Variants in EPHA3 observed in about 807,000 individuals in gnomAD.
EPHA3 encodes EPH receptor A3, also known as ephrin type-A receptor 3.
EPHA3 carries 42 observed loss-of-function variants against 107.1 expected under a neutral mutation model. The ratio of observed to expected loss-of-function variants is 0.39; its 90% CI spans 0.31 to 0.51. The LOEUF (loss-of-function observed/expected upper bound fraction) is 0.51, where lower values mean the gene tolerates loss of function less well. Among genes scored for constraint, EPHA3 ranks in the 20% least tolerant of loss-of-function variants. The probability of loss-of-function intolerance (pLI) is 0.78; values close to 1 mark genes in which losing one functional copy is unlikely to be tolerated. For missense variants in EPHA3, 1,183 were observed against 1,211.2 expected (o/e 0.98, Z 0.35); for synonymous variants, 461 against 424.8 (o/e 1.09, Z -1.05).
At chr3:89,441,433 G>A (rs1029687652) in intron 13 of EPHA3, among the ~76,000 whole-genome samples, 1 of 152,146 alleles carries the variant, frequency 6.6e-6, no homozygotes, top group Non-Finnish European at 1.5e-5. Flanking sequence ...TATCTTGGGA[G>A]CTTACATTAG....
At chr3:89,270,748 G>C (rs1469644829) in intron 3 of EPHA3, among the ~76,000 whole-genome samples, 1 of 151,478 alleles carries the variant, frequency 6.6e-6, no homozygotes, top group Non-Finnish European at 1.5e-5. Context: ...ATTTATTTCT[G>C]ATAAAAATTG....
intron 6 of EPHA3, among the ~76,000 whole-genome samples, chr3:89,397,784 C>A (rs191048634): frequency 6.6e-6 from 1 of 152,098 alleles, no homozygotes; most frequent in Non-Finnish European, 1.5e-5. Context: ...GGTTTCTCCA[C>A]GTTGGTCAGG....
intron 3 of EPHA3, among the ~76,000 whole-genome samples, chr3:89,264,759 A>C (rs1576275510): frequency 6.6e-6 from 1 of 152,292 alleles, no homozygotes; most frequent in East Asian, 1.9e-4. Context: ...TGAATCAATA[A>C]ATAAGATGGA....
At chr3:89,382,356 A>C (rs1708527291) in intron 5 of EPHA3, among the ~76,000 whole-genome samples, 1 of 151,918 alleles carries the variant, frequency 6.6e-6, no homozygotes, top group Non-Finnish European at 1.5e-5. Context: ...AGAAATACAA[A>C]AATTAGCCAG....
At chr3:89,292,464 C>T (rs1406686838) in intron 3 of EPHA3, among the ~76,000 whole-genome samples, 3 of 152,052 alleles carry the variant, frequency 2.0e-5, no homozygotes, top group Non-Finnish European at 4.4e-5. Flanking sequence ...GAACGAGTTC[C>T]CTGTGGAACC....
At chr3:89,416,531 G>A (rs1478965303) in intron 10 of EPHA3, among the ~76,000 whole-genome samples, 1 of 151,180 alleles carries the variant, frequency 6.6e-6, no homozygotes, top group Non-Finnish European at 1.5e-5. Context: ...AGCTATTTAA[G>A]TATACAATTC....
chr3:89,113,884 C>T (rs1477101979), intron 1 of EPHA3, among the ~76,000 whole-genome samples: 1 of 152,098 alleles, frequency 6.6e-6, no homozygotes, highest in Non-Finnish European at 1.5e-5. Context: ...TGGACGAATG[C>T]ATGTGGAGGG....
rs1395973121 is a variant in EPHA3 at position 89,450,287 on chromosome 3, C to A, written c.2607C>A (p.Pro869=). 1 of 1,614,030 alleles carries A rather than the reference C, an allele frequency of 6.2e-7. No individual in the cohort carries two copies. The highest frequency in any genetic ancestry group is 1.3e-5 in the African/African-American group (1 of 75,048). The change falls in exon 15 of 17, where the codon CCC becomes CCA. Residue 869 remains proline (P), a synonymous_variant. Coordinates refer to ENST00000336596, the MANE Select transcript of EPHA3 (RefSeq NM_005233.6). ...DCWQKDRNNR[P]KFEQIVSILD... ...GGCAGAAAGACAGGAACAACAGACC[C>A]AAGTTTGAGCAGATTGTTAGTATTC...
chr3:89,306,538 T>C (rs2107353699), intron 3 of EPHA3, among the ~76,000 whole-genome samples: 1 of 152,284 alleles, frequency 6.6e-6, no homozygotes, highest in Middle Eastern at 3.4e-3. Context: ...AAATAAAATT[T>C]TGAATAACAA....
intron 2 of EPHA3, among the ~76,000 whole-genome samples, chr3:89,166,386 T>A (rs1705066145): frequency 6.6e-6 from 1 of 152,216 alleles, no homozygotes; most frequent in African/African-American, 2.4e-5. Flanking sequence ...CATTTTTGCT[T>A]GAAATAACTA....
intron 3 of EPHA3, among the ~76,000 whole-genome samples, chr3:89,286,143 TGTG>T (rs1706077548): frequency 1.3e-5 from 2 of 151,236 alleles, no homozygotes; most frequent in African/African-American, 4.9e-5. Flanking sequence ...TGTGTGTGTG[TGTG>T]TGTGTGTGTG....
rs766046211 is a variant in EPHA3 at position 89,342,079 on chromosome 3, C to T, written c.1295C>T (p.Thr432Ile). Residue 432 changes from threonine to isoleucine, a missense_variant, in exon 5 of 17, where the codon ACT becomes ATT. Physicochemically the swap from Thr to Ile is moderately conservative, Grantham distance 89. Transcript: ENST00000336596. Reference sequence around the variant, plus strand: ...CAGTTTGCTGCGGTCAGCATCACAACTAATCAGGCTGGTGAGTACATACTA... The same window carrying T: ...CAGTTTGCTGCGGTCAGCATCACAATTAATCAGGCTGGTGAGTACATACTA... ...PRQFAAVSIT[T>I]NQAAPSPVLT... is the part of the protein sequence containing the mutation. 3 of 1,609,426 alleles carry T rather than the reference C, an allele frequency of 1.9e-6. No homozygotes were observed. Among genetic ancestry groups the T allele is most frequent in the Admixed American group, 1.7e-5 (1 of 59,310 alleles).
At chr3:89,443,103 A>G (rs1245865360) in intron 13 of EPHA3, among the ~76,000 whole-genome samples, 2 of 152,156 alleles carry the variant, frequency 1.3e-5, no homozygotes, top group Non-Finnish European at 2.9e-5. Flanking sequence ...ATGTTTTAAC[A>G]TTTTACTTAG....
At chr3:89,162,250 C>G (rs1704964612) in intron 2 of EPHA3, among the ~76,000 whole-genome samples, 1 of 152,052 alleles carries the variant, frequency 6.6e-6, no homozygotes, top group African/African-American at 2.4e-5. Flanking sequence ...TCCTGGAAAT[C>G]ATGCATTTTA....
At chr3:89,250,397 A>G (rs974392893) in intron 3 of EPHA3, among the ~76,000 whole-genome samples, 2 of 152,204 alleles carry the variant, frequency 1.3e-5, no homozygotes, top group African/African-American at 4.8e-5. Context: ...ATCATGTAAC[A>G]TCAAGGTATT....
intron 5 of EPHA3, among the ~76,000 whole-genome samples, chr3:89,356,859 C>A (rs1248335849): frequency 6.6e-6 from 1 of 150,388 alleles, no homozygotes; most frequent in African/African-American, 2.4e-5. Flanking sequence ...ACAACCAACA[C>A]TTTGGGCAGC....
In EPHA3 at chr3:89,393,887, T is replaced by A. The variant is rs1708793939; in HGVS notation, c.1307-1950T>A. Among the ~76,000 whole-genome samples the A allele has an allele frequency of 2.6e-5, 4 of 152,174 alleles. No individual in the cohort carries two copies. In the South Asian group the frequency reaches 8.3e-4, roughly 31 times the overall value. On this transcript the variant is annotated intron_variant, in intron 5 of 16. Transcript: ENST00000336596. Reference sequence around the variant, plus strand: ...TCAACTAAAGTATAAGAAAAATAACTTATCTTTTGCTTGGAATCAATTTTA... The same window carrying A: ...TCAACTAAAGTATAAGAAAAATAACATATCTTTTGCTTGGAATCAATTTTA...
At chr3:89,253,749 C>T (rs533832447) in intron 3 of EPHA3, among the ~76,000 whole-genome samples, 12 of 151,466 alleles carry the variant, frequency 7.9e-5, no homozygotes, top group Middle Eastern at 3.4e-3. Flanking sequence ...TAACAAAGCT[C>T]AAAATTAAGA....
At chr3:89,282,690 G>T (rs1245872259) in intron 3 of EPHA3, among the ~76,000 whole-genome samples, 1 of 152,122 alleles carries the variant, frequency 6.6e-6, no homozygotes, top group African/African-American at 2.4e-5. Context: ...CCAATTTGGG[G>T]ATTTAAATGT....
Sources: allele counts gnomAD v4.1 joint callset (sites outside exome capture counted in the v4.1 genomes callset), GRCh38; gene constraint gnomAD v4.1.1; transcripts MANE v1.5; gene names NCBI Gene and HGNC (gene_info 2026-07-23, HGNC 2026-07-21).